The following DMXL1 variants were observed in gnomAD, a reference collection of about 807,000 sequenced individuals.
The protein encoded by DMXL1 is Dmx like 1, also known as dmX-like protein 1.
In DMXL1, 99 loss-of-function variants were observed where a neutral mutation model predicts 319.2. That is an observed-to-expected ratio of 0.31 (90% CI 0.26 to 0.37). DMXL1 has a LOEUF of 0.37. Among genes scored for constraint, DMXL1 ranks in the 10% least tolerant of loss-of-function variants. The pLI is 1.00. For missense variants in DMXL1, 3,745 were observed against 3,595.6 expected (o/e 1.04, Z -1.06); for synonymous variants, 1,385 against 1,235.2 (o/e 1.12, Z -2.54).
At chr5:119,091,202 C>CATTTATTT (rs562386773) in intron 1 of DMXL1, among the ~76,000 whole-genome samples, 10 of 151,430 alleles carry the variant, frequency 6.6e-5, no homozygotes, top group African/African-American at 2.4e-4. Context: ...CTGTTTGCTG[C>CATTTATTT]ATTTATTTAT....
chr5:119,104,951 T>C (rs1758010768), intron 3 of DMXL1, among the ~76,000 whole-genome samples: 1 of 152,232 alleles, frequency 6.6e-6, no homozygotes, highest in Non-Finnish European at 1.5e-5. Context: ...AGGTAGCGTA[T>C]GGTTATTGAT....
At chr5:119,233,950 G>C (rs1435684912) in intron 39 of DMXL1, among the ~76,000 whole-genome samples, 1 of 152,046 alleles carries the variant, frequency 6.6e-6, no homozygotes, top group Non-Finnish European at 1.5e-5. Context: ...CTACATCCTA[G>C]CCACCTGCTT....
intron 4 of DMXL1, among the ~76,000 whole-genome samples, chr5:119,107,450 T>G (rs1758607116): frequency 6.6e-6 from 1 of 152,226 alleles, no homozygotes; most frequent in Non-Finnish European, 1.5e-5. Flanking sequence ...ATTTAATATT[T>G]TATGTTGCCT....
chr5:119,174,059 C>T (rs887797800), intron 25 of DMXL1, among the ~76,000 whole-genome samples: 1 of 151,746 alleles, frequency 6.6e-6, no homozygotes, highest in African/African-American at 2.4e-5. Flanking sequence ...CAGTTAGATG[C>T]GAGTTACTCA....
chr5:119,104,819 G>A (rs1212624784), intron 3 of DMXL1, among the ~76,000 whole-genome samples: 6 of 151,846 alleles, frequency 4.0e-5, no homozygotes, highest in Non-Finnish European at 4.4e-5. Flanking sequence ...TCTCAGATGG[G>A]GACAAAACAG....
chr5:119,180,841 A>G (rs1776651156), intron 28 of DMXL1, among the ~76,000 whole-genome samples: 5 of 152,188 alleles, frequency 3.3e-5, no homozygotes, highest in Admixed American at 3.3e-4. Flanking sequence ...CATATTTTTA[A>G]TATGTTCTGA....
At chr5:119,211,173 T>C (rs1047905999) in intron 34 of DMXL1, among the ~76,000 whole-genome samples, 2 of 152,130 alleles carry the variant, frequency 1.3e-5, no homozygotes, top group African/African-American at 4.8e-5. Flanking sequence ...TTTGATAAAA[T>C]TTTAAGAATT....
rs188122392 is a variant in DMXL1 at position 119,123,195 on chromosome 5, C to T, written c.1102+2056C>T. Among the ~76,000 whole-genome samples the T allele has an allele frequency of 5.5e-3, 839 of 151,866 alleles. 29 individuals are homozygous for T. In the East Asian group the frequency reaches 0.093, roughly 17 times the overall value. ...GCGCGCGCCTGCAATCGCAGGCACTCGGCAGGCTGAGGCAGGAGAATCAGG... is the reference window on the plus strand; with the variant it reads ...GCGCGCGCCTGCAATCGCAGGCACTTGGCAGGCTGAGGCAGGAGAATCAGG... On this transcript the variant is annotated intron_variant, in intron 9 of 43. Coordinates refer to ENST00000539542, the MANE Select transcript of DMXL1 (RefSeq NM_001290321.3).
intron 28 of DMXL1, among the ~76,000 whole-genome samples, chr5:119,181,059 G>A (rs1310396077): frequency 1.3e-5 from 2 of 152,076 alleles, no homozygotes; most frequent in Non-Finnish European, 2.9e-5. Flanking sequence ...TTTGTATAAG[G>A]TTGGTGCAAA....
At chr5:119,212,687 G>A (rs1036370293) in intron 34 of DMXL1, among the ~76,000 whole-genome samples, 1 of 152,076 alleles carries the variant, frequency 6.6e-6, no homozygotes, top group Non-Finnish European at 1.5e-5. Context: ...CCCAATCAAA[G>A]CATGAAATCT....
chr5:119,233,275 A>G, intron 38 of DMXL1, 65 bp from the exon 39 acceptor site: 1 of 1,532,742 alleles, frequency 6.5e-7, no homozygotes, highest in East Asian at 2.3e-5. Context: ...CACATAGGAT[A>G]AAGAAATAAC....
At chr5:119,177,516 T>G (rs1331750883) in intron 27 of DMXL1, 32 bp downstream of exon 27, 1 of 1,549,974 alleles carries the variant, frequency 6.5e-7, no homozygotes, top group African/African-American at 1.4e-5. Context: ...CAGTTTTTTC[T>G]TAGTCTTATT....
intron 39 of DMXL1, chr5:119,236,520 TA>T (rs1392052487): frequency 6.6e-6 from 1 of 152,048 alleles, no homozygotes; most frequent in Admixed American, 6.6e-5. Context: ...AATTTATGTG[TA>T]ATTACCTGGG....
chr5:119,188,089 CTTT>C (rs1778063637), intron 28 of DMXL1, among the ~76,000 whole-genome samples: 2 of 152,120 alleles, frequency 1.3e-5, no homozygotes, highest in African/African-American at 4.8e-5. Context: ...ATGTTTCTGT[CTTT>C]AAAAACTCTC....
chr5:119,236,381 A>G (rs536376170), intron 39 of DMXL1: 8 of 152,146 alleles, frequency 5.3e-5, no homozygotes, highest in Middle Eastern at 3.4e-3. Context: ...ATGCAAAGGT[A>G]TATGTATATA....
chr5:119,101,429 G>A (rs1042104155), intron 2 of DMXL1, among the ~76,000 whole-genome samples: 5 of 151,954 alleles, frequency 3.3e-5, no homozygotes, highest in African/African-American at 1.2e-4. Flanking sequence ...AACAGAGCCA[G>A]GAAAGGTTAT....
chr5:119,154,403 G>A (rs1041280119), intron 19 of DMXL1, among the ~76,000 whole-genome samples: 3 of 152,234 alleles, frequency 2.0e-5, no homozygotes, highest in Non-Finnish European at 4.4e-5. Flanking sequence ...TGATAAGAAA[G>A]CAAGGTAGCC....
intron 4 of DMXL1, among the ~76,000 whole-genome samples, chr5:119,107,765 G>T (rs1247926986): frequency 1.3e-5 from 2 of 152,088 alleles, no homozygotes; most frequent in Non-Finnish European, 2.9e-5. Flanking sequence ...TATTTAAATG[G>T]AATGTTTCAT....
At chr5:119,230,581 G>A (rs899050509) in intron 38 of DMXL1, among the ~76,000 whole-genome samples, 17 of 152,196 alleles carry the variant, frequency 1.1e-4, no homozygotes, top group South Asian at 6.2e-4. Context: ...AAACTCAGTC[G>A]TTTATAAAAA....
Sources: gnomAD v4.1 joint callset for allele counts (sites outside exome capture counted in the v4.1 genomes callset) on GRCh38, gnomAD v4.1.1 for gene constraint, MANE v1.5 for transcripts, NCBI Gene and HGNC (gene_info 2026-07-23, HGNC 2026-07-21) for gene names.